The following VPS8 variants were observed in gnomAD, a reference collection of about 807,000 sequenced individuals.
The protein encoded by VPS8 is vacuolar protein sorting-associated protein 8 homolog.
VPS8 carries 129 observed loss-of-function variants against 216.4 expected under a neutral mutation model. The observed-to-expected ratio is 0.60, with a 90% confidence interval of 0.52 to 0.69. The LOEUF (loss-of-function observed/expected upper bound fraction) is 0.69. Ranked by LOEUF, VPS8 falls within the 30% of genes least tolerant of loss-of-function variation. VPS8 has a pLI of 0.00. For missense variants in VPS8, 1,531 were observed against 1,683.5 expected (o/e 0.91, Z 1.59); for synonymous variants, 571 against 565.4 (o/e 1.01, Z -0.14).
intron 4 of VPS8, 23 bp from the exon 5 acceptor site, chr3:184,834,626 A>G (rs1401377535): frequency 6.7e-7 from 1 of 1,503,728 alleles, no homozygotes; most frequent in South Asian, 1.3e-5. Context: ...CTGTTTTTAA[A>G]TGTTTTTCTT....
At chr3:184,916,425 C>T (rs949627097) in intron 28 of VPS8, among the ~76,000 whole-genome samples, 12 of 151,954 alleles carry the variant, frequency 7.9e-5, no homozygotes, top group African/African-American at 2.2e-4. Flanking sequence ...AAAGACAGGA[C>T]GGAAATACAC....
At chr3:184,836,738 C>T (rs904809414) in intron 5 of VPS8, among the ~76,000 whole-genome samples, 2 of 152,106 alleles carry the variant, frequency 1.3e-5, no homozygotes, top group African/African-American at 4.8e-5. Context: ...TGAATAATTG[C>T]TCAATAGTGC....
At chr3:184,982,516 T>C in intron 40 of VPS8, 50 bp from the exon 41 acceptor site, 1 of 1,391,718 alleles carries the variant, frequency 7.2e-7, no homozygotes, top group Non-Finnish European at 1.0e-6. Context: ...TGTTTTTCAT[T>C]GTTTTCTTTG....
intron 27 of VPS8, 82 bp from the exon 28 acceptor site, chr3:184,915,273 T>C: frequency 1.3e-6 from 2 of 1,514,452 alleles, no homozygotes; most frequent in Non-Finnish European, 1.8e-6. Context: ...CCTGCCTTTA[T>C]TTTATCCAAA....
chr3:184,921,832 C>A (rs927923705), intron 29 of VPS8, among the ~76,000 whole-genome samples: 1 of 151,978 alleles, frequency 6.6e-6, no homozygotes, highest in Non-Finnish European at 1.5e-5. Context: ...CCCAAAGTGC[C>A]GGGATTACAG....
intron 13 of VPS8, among the ~76,000 whole-genome samples, chr3:184,855,143 T>G (rs1206206383): frequency 6.6e-6 from 1 of 152,236 alleles, no homozygotes; most frequent in African/African-American, 2.4e-5. Context: ...TTGCTTCTTT[T>G]TGTATGTTTT....
At chr3:184,943,032 C>G (rs1230314794) in intron 36 of VPS8, among the ~76,000 whole-genome samples, 3 of 152,112 alleles carry the variant, frequency 2.0e-5, no homozygotes, top group Admixed American at 6.6e-5. Context: ...CCTTTGAACC[C>G]TACCTCCACC....
Position 184,982,995 on chromosome 3 carries a change from A to T in VPS8, c.3503-17A>T. ...TTATTTTAAACTAACCTTAATGTTA[A>T]TATTTTGTTATAACAGCTCTGAAGT... On this transcript the variant is annotated splice_polypyrimidine_tract_variant and intron_variant, in intron 41 of 47. Coordinates refer to ENST00000625842, the MANE Select transcript of VPS8 (RefSeq NM_001009921.3). 1 of 1,571,082 alleles carries T rather than the reference A, an allele frequency of 6.4e-7. No homozygotes were observed. Among genetic ancestry groups the T allele is most frequent in the Non-Finnish European group, 8.6e-7 (1 of 1,157,662 alleles).
chr3:184,894,181 A>G (rs781598610), intron 22 of VPS8, among the ~76,000 whole-genome samples: 29 of 152,284 alleles, frequency 1.9e-4, no homozygotes, highest in Non-Finnish European at 3.8e-4. Context: ...TTATAGCTAG[A>G]CAAAGAAGCA....
intron 45 of VPS8, among the ~76,000 whole-genome samples, chr3:185,018,603 G>A (rs1042278119): frequency 7.9e-5 from 12 of 152,178 alleles, no homozygotes; most frequent in East Asian, 1.9e-4. Context: ...GAATAAGAGC[G>A]TCCCAGTCAG....
At position 185,048,533 on chromosome 3, in the gene VPS8, T is replaced by C; in HGVS notation, c.4111T>C (p.Cys1371Arg). The C allele has an allele frequency of 6.2e-7, 1 of 1,614,036 alleles. No homozygotes were observed. The highest frequency in any genetic ancestry group is 8.5e-7 in the Non-Finnish European group (1 of 1,179,906). The change falls in exon 47 of 48, where the codon TGC becomes CGC. Residue 1371 changes from cysteine to arginine, a missense_variant. Physicochemically the swap from Cys to Arg is radical, Grantham distance 180. Coordinates refer to ENST00000625842, the MANE Select transcript of VPS8 (RefSeq NM_001009921.3). ...PQQIQAFDQL[C>R]RLYRGSSRLA... The stretch of plus-strand genomic sequence containing the variant: ...GCAAATCCAAGCATTTGATCAGCTT[T>C]GCCGTCTCTACCGAGGAAGCTCCAG...
At chr3:184,869,446 AC>A in intron 19 of VPS8, 35 bp from the exon 20 acceptor site, 1 of 1,609,798 alleles carries the variant, frequency 6.2e-7, no homozygotes, top group Non-Finnish European at 8.5e-7. Flanking sequence ...ATGTGGACTA[AC>A]TTTTGTTTTT....
chr3:184,938,225 A>G (rs1344614423), intron 35 of VPS8, among the ~76,000 whole-genome samples: 1 of 152,224 alleles, frequency 6.6e-6, no homozygotes, highest in African/African-American at 2.4e-5. Flanking sequence ...CCCAGATATC[A>G]GGCTTGGTTG....
chr3:184,838,882 G>A, intron 6 of VPS8, 136 bp downstream of exon 6: 1 of 668,328 alleles, frequency 1.5e-6, no homozygotes, highest in Non-Finnish European at 2.4e-6. Flanking sequence ...CCAGTAATCA[G>A]GTTTAACATT....
At chr3:185,010,280 T>C (rs536674983) in intron 45 of VPS8, among the ~76,000 whole-genome samples, 109 of 152,324 alleles carry the variant, frequency 7.2e-4, no homozygotes, top group South Asian at 1.5e-3. Flanking sequence ...AGTTTAGCAA[T>C]GTATTAAAGA....
In VPS8 at chr3:184,994,115, A is replaced by G. The variant is rs1265676611; in HGVS notation, c.3666+52A>G. ...GTCTGTCCTAAGGTAGAAAAATGCT[A>G]TTTTTTTTAATTTTGTACCTATACT... On this transcript the variant is annotated intron_variant, in intron 43 of 47. Transcript: ENST00000625842. 7 of 1,325,850 alleles carry G rather than the reference A, an allele frequency of 5.3e-6. No homozygotes were observed. The East Asian group carries it at 1.1e-4, about 21-fold the overall frequency. 82.1% of individuals were successfully genotyped at this position (1,325,850 alleles called of 1,614,324 possible).
intron 7 of VPS8, among the ~76,000 whole-genome samples, chr3:184,840,969 T>C (rs1722032938): frequency 6.6e-6 from 1 of 152,188 alleles, no homozygotes; most frequent in Non-Finnish European, 1.5e-5. Context: ...CTGTTGGTTT[T>C]GAATGATTTG....
At chr3:184,821,669 A>T (rs1717623906) in intron 1 of VPS8, among the ~76,000 whole-genome samples, 1 of 151,832 alleles carries the variant, frequency 6.6e-6, no homozygotes, top group Admixed American at 6.6e-5. Context: ...GTTTTTTTAG[A>T]TAGGTTTCAT....
chr3:184,994,355 T>C (rs114684534), intron 43 of VPS8, among the ~76,000 whole-genome samples: 7,619 of 151,912 alleles, frequency 0.05, 672 homozygotes, highest in African/African-American at 0.18. Flanking sequence ...TAAAAAAAAA[T>C]TAGCTGGGCA....
Sources: allele counts gnomAD v4.1 joint callset (sites outside exome capture counted in the v4.1 genomes callset), GRCh38; gene constraint gnomAD v4.1.1; transcripts MANE v1.5; gene names NCBI Gene and HGNC (gene_info 2026-07-23, HGNC 2026-07-21).